The following KLHL29 variants were observed in gnomAD, a reference collection of about 807,000 sequenced individuals.
KLHL29 encodes kelch-like protein 29.
A neutral mutation model predicts 80.4 loss-of-function variants in KLHL29; 21 were observed. That is an observed-to-expected ratio of 0.26 (90% confidence interval 0.19 to 0.38). The LOEUF (loss-of-function observed/expected upper bound fraction) is 0.38, where lower values mean the gene tolerates loss of function less well. KLHL29 is among the 10% of genes least tolerant of loss of function. The pLI is 1.00. For missense variants in KLHL29, 867 were observed against 1,223.9 expected (o/e 0.71, Z 4.35); for synonymous variants, 511 against 526.8 (o/e 0.97, Z 0.41).
chr2:23,427,068 G>T (rs1663024101), intron 1 of KLHL29, among the ~76,000 whole-genome samples: 1 of 152,112 alleles, frequency 6.6e-6, no homozygotes, highest in African/African-American at 2.4e-5. Context: ...CATATCCCAG[G>T]TGACCGCTGC....
chr2:23,441,790 C>T (rs142712884), intron 1 of KLHL29, among the ~76,000 whole-genome samples: 69 of 152,300 alleles, frequency 4.5e-4, no homozygotes, highest in African/African-American at 1.6e-3. Flanking sequence ...GGGCTTTTCA[C>T]AGCATGATGG....
At chr2:23,461,056 C>T (rs112017548) in intron 1 of KLHL29, among the ~76,000 whole-genome samples, 10 of 152,308 alleles carry the variant, frequency 6.6e-5, no homozygotes, top group African/African-American at 2.4e-4. Flanking sequence ...AAAGATCGTC[C>T]CGGTGGCTGA....
chr2:23,683,211 G>A (rs896813596), intron 5 of KLHL29, among the ~76,000 whole-genome samples: 1 of 152,248 alleles, frequency 6.6e-6, no homozygotes, highest in South Asian at 2.1e-4. Flanking sequence ...GCTGGAGCAG[G>A]GGCGATGGCC....
In KLHL29 at chr2:23,596,378, G is replaced by T. The variant is rs76183886; in HGVS notation, c.285+33897G>T. On this transcript the variant is annotated intron_variant, in intron 3 of 13. Transcript: ENST00000486442. This position sits in a 1 kb window ranked among gnomAD's most constrained non-coding sequence, Gnocchi z 4.4. ...CACGCCCCTATGAGTCTCTGTCTCC[G>T]AGCAGAGGTCTTGGTGTCCTGGTGG... Among the ~76,000 whole-genome samples, 399 of 152,230 alleles carry T rather than the reference G, an allele frequency of 2.6e-3. 1 individual carries two copies. The highest frequency in any genetic ancestry group is 3.5e-3 in the Non-Finnish European group (239 of 68,008).
At chr2:23,571,967 G>C (rs1162370878) in intron 3 of KLHL29, among the ~76,000 whole-genome samples, 1 of 152,180 alleles carries the variant, frequency 6.6e-6, no homozygotes, top group Non-Finnish European at 1.5e-5. Context: ...TTTGCTAAAA[G>C]CAGCTGCAGT....
chr2:23,679,021 C>T (rs1198188754), intron 5 of KLHL29, among the ~76,000 whole-genome samples: 1 of 145,340 alleles, frequency 6.9e-6, no homozygotes, highest in African/African-American at 2.6e-5. Flanking sequence ...CTGAACTGGA[C>T]ACTTTAAAAT....
At chr2:23,425,084 T>G (rs1160695863) in intron 1 of KLHL29, among the ~76,000 whole-genome samples, 1 of 150,854 alleles carries the variant, frequency 6.6e-6, no homozygotes, top group Non-Finnish European at 1.5e-5. Flanking sequence ...TGTTGAAATG[T>G]GTCTTTATAT....
chr2:23,639,377 G>A (rs1031193181), intron 4 of KLHL29, 97 bp downstream of exon 4: 4 of 1,259,666 alleles, frequency 3.2e-6, no homozygotes, highest in Non-Finnish European at 4.4e-6. Context: ...AGCAGGTCTT[G>A]AACCCAGGGC....
At chr2:23,632,187 C>T (rs552929540) in intron 3 of KLHL29, among the ~76,000 whole-genome samples, 1 of 152,352 alleles carries the variant, frequency 6.6e-6, no homozygotes, top group African/African-American at 2.4e-5. Context: ...AATCTGCTCT[C>T]AGTGATAACC....
chr2:23,424,429 T>C (rs1349077634), intron 1 of KLHL29, among the ~76,000 whole-genome samples: 1 of 152,230 alleles, frequency 6.6e-6, no homozygotes, highest in Non-Finnish European at 1.5e-5. Context: ...GTTTCTATTA[T>C]TTGTCATCTA....
intron 1 of KLHL29, among the ~76,000 whole-genome samples, chr2:23,400,985 G>T (rs1466410432): frequency 1.3e-5 from 2 of 152,250 alleles, no homozygotes; most frequent in Admixed American, 1.3e-4. Flanking sequence ...TACCTTTGTT[G>T]TCCCATGTCT....
intron 3 of KLHL29, among the ~76,000 whole-genome samples, chr2:23,563,488 C>T (rs1172804472): frequency 4.6e-5 from 7 of 152,252 alleles, no homozygotes; most frequent in African/African-American, 7.2e-5. Flanking sequence ...TGCCTGCATG[C>T]GTGTGTGTGT....
At chr2:23,434,899 G>C (rs1162091981) in intron 1 of KLHL29, among the ~76,000 whole-genome samples, 2 of 152,194 alleles carry the variant, frequency 1.3e-5, no homozygotes, top group East Asian at 3.9e-4. Flanking sequence ...GGGGTGGGGA[G>C]TGTCAGGCTG....
intron 7 of KLHL29, among the ~76,000 whole-genome samples, chr2:23,692,435 G>A (rs1369394635): frequency 5.9e-5 from 9 of 152,216 alleles, no homozygotes; most frequent in African/African-American, 9.6e-5. Context: ...CCGCATGGGC[G>A]ACGGCAAGGT....
chr2:23,587,065 G>T (rs1471895589), intron 3 of KLHL29, among the ~76,000 whole-genome samples: 3 of 152,174 alleles, frequency 2.0e-5, no homozygotes, highest in African/African-American at 7.2e-5. Context: ...AGCAAACCCA[G>T]AGTAGGAAGA....
rs1402924747 is a variant in KLHL29 at position 23,651,679 on chromosome 2, A to G, written c.940+8829A>G. Among the ~76,000 whole-genome samples, 7 of 151,882 alleles carry G rather than the reference A, an allele frequency of 4.6e-5. No homozygotes were observed. The East Asian group carries it at 1.2e-3, about 25-fold the overall frequency. ...TTTCATTTTGTGCTGCCATCACAAA[A>G]TGCCACAAATTGGGTGGCTTAAACA... is the stretch of plus-strand genomic sequence containing the variant. On this transcript the variant is annotated intron_variant, in intron 5 of 13. Coordinates refer to ENST00000486442, the MANE Select transcript of KLHL29 (RefSeq NM_052920.2).
rs376971798 is a variant in KLHL29, at chr2:23,423,182, T to C, written c.-154+37402T>C. 2.4e-4 allele frequency among the ~76,000 whole-genome samples: 36 copies of C among 152,330 alleles called. No individual in the cohort carries two copies. In the South Asian group the frequency reaches 7.2e-3, roughly 31 times the overall value. On this transcript the variant is annotated intron_variant, in intron 1 of 13. Transcript: ENST00000486442. ...CAGGAAGTGTTTTTCACTCATCCGC[T>C]TACTGTTCTTTTTTCCCTGCGAACA...
intron 1 of KLHL29, among the ~76,000 whole-genome samples, chr2:23,456,788 A>G (rs1178897373): frequency 6.6e-6 from 1 of 152,236 alleles, no homozygotes; most frequent in Non-Finnish European, 1.5e-5. Context: ...CTATGCCTGC[A>G]CTTGGAGATG....
intron 5 of KLHL29, among the ~76,000 whole-genome samples, chr2:23,673,564 C>A (rs111161994): frequency 0.17 from 25,721 of 151,878 alleles, 3,709 homozygotes; most frequent in African/African-American, 0.4. Flanking sequence ...ATGCCACATG[C>A]TCACACACAT....
Sources: allele counts gnomAD v4.1 joint callset (sites outside exome capture counted in the v4.1 genomes callset), GRCh38; gene constraint gnomAD v4.1.1; non-coding constraint Gnocchi (gnomAD v3.1); transcripts MANE v1.5; gene names NCBI Gene and HGNC (gene_info 2026-07-23, HGNC 2026-07-21).